KIAA1958: variants seen among roughly 807,000 people sequenced by gnomAD.
KIAA1958 encodes KIAA1958.
A neutral mutation model predicts 47.2 loss-of-function variants in KIAA1958; 14 were observed. The ratio of observed to expected loss-of-function variants is 0.30; its 90% CI spans 0.20 to 0.46. The LOEUF (loss-of-function observed/expected upper bound fraction) is 0.46, where lower values mean the gene tolerates loss of function less well. KIAA1958 is among the 20% of genes least tolerant of loss of function. The pLI is 1.00. For synonymous variants in KIAA1958, 354 were observed against 353.3 expected, an observed-to-expected ratio of 1.00 and a Z score of -0.02; for missense variants, 803 against 909.2, an observed-to-expected ratio of 0.88 and a Z score of 1.50.
In KIAA1958 at chr9:112,660,027, T is replaced by G. The variant is rs1251254216; in HGVS notation, c.2109T>G (p.Thr703=). The change falls in exon 4 of 4, where the codon ACT becomes ACG. Residue 703 remains threonine, a synonymous_variant. Transcript: ENST00000337530. ...NCENFTFVSF[T]QVSRRLGSHS... is the part of the protein sequence containing the mutation. The stretch of plus-strand genomic sequence containing the variant: ...AGAACTTCACCTTTGTCTCGTTCAC[T>G]CAGGTCTCCCGGAGGCTTGGCTCCC... 13 of 1,613,876 alleles carry G rather than the reference T, an allele frequency of 8.1e-6. No homozygotes were observed. The highest frequency in any genetic ancestry group is 1.0e-5 in the Non-Finnish European group (12 of 1,180,054).
At chr9:112,591,265 T>C (rs1296297196) in intron 2 of KIAA1958, among the ~76,000 whole-genome samples, 2 of 152,048 alleles carry the variant, frequency 1.3e-5, no homozygotes, top group Non-Finnish European at 2.9e-5. Flanking sequence ...TTTGTATTTT[T>C]AGTAGAGACG....
intron 2 of KIAA1958, among the ~76,000 whole-genome samples, chr9:112,615,419 C>CAAAA: frequency 9.7e-6 from 1 of 103,532 alleles, no homozygotes; most frequent in Admixed American, 1.0e-4. Context: ...GGCTCCGTCT[C>CAAAA]AAAAAAAAAA....
chr9:112,510,390 C>A (rs1834305000), intron 1 of KIAA1958, among the ~76,000 whole-genome samples: 1 of 152,198 alleles, frequency 6.6e-6, no homozygotes, highest in Non-Finnish European at 1.5e-5. Context: ...GAGCCCAATT[C>A]TTCCAGATAT....
chr9:112,487,502 CG>C (rs2132747335), intron 1 of KIAA1958, among the ~76,000 whole-genome samples: 1 of 152,150 alleles, frequency 6.6e-6, no homozygotes, highest in African/African-American at 2.4e-5. Flanking sequence ...GGAAGGAGGG[CG>C]GGAAGGAGGA....
At chr9:112,500,347 C>T (rs997066381) in intron 1 of KIAA1958, among the ~76,000 whole-genome samples, 5 of 152,204 alleles carry the variant, frequency 3.3e-5, no homozygotes, top group Admixed American at 6.5e-5. Flanking sequence ...GTGATCTGCC[C>T]GCCTTGGCCT....
chr9:112,537,172 C>A (rs1193996495), intron 1 of KIAA1958, among the ~76,000 whole-genome samples: 1 of 151,032 alleles, frequency 6.6e-6, no homozygotes. Context: ...GTGGTGCAAT[C>A]TTGGCTCCCT....
At chr9:112,487,401 C>T (rs1443814525) in intron 1 of KIAA1958, among the ~76,000 whole-genome samples, 3 of 151,792 alleles carry the variant, frequency 2.0e-5, no homozygotes, top group Admixed American at 6.6e-5. Context: ...CGGGCCGCCC[C>T]GCCGCCCGGC....
At chr9:112,528,333 G>A (rs1275684306) in intron 1 of KIAA1958, among the ~76,000 whole-genome samples, 1 of 152,026 alleles carries the variant, frequency 6.6e-6, no homozygotes, top group African/African-American at 2.4e-5. Flanking sequence ...AGTCATTTGG[G>A]GCCTATTTGC....
chr9:112,492,916 CTT>C (rs60299333), intron 1 of KIAA1958, among the ~76,000 whole-genome samples: 3 of 114,186 alleles, frequency 2.6e-5, no homozygotes, highest in East Asian at 5.0e-4. Context: ...GCCCAGCTCA[CTT>C]TTTTTTTTTT....
chr9:112,500,117 T>A (rs1834109508), intron 1 of KIAA1958, among the ~76,000 whole-genome samples: 1 of 152,116 alleles, frequency 6.6e-6, no homozygotes, highest in Non-Finnish European at 1.5e-5. Context: ...TATTATTATT[T>A]TTGAGACAGT....
chr9:112,519,993 G>A (rs3860166), intron 1 of KIAA1958, among the ~76,000 whole-genome samples: 145,433 of 152,292 alleles, frequency 0.95, 69,516 homozygotes, highest in African/African-American at 0.99. Context: ...GAGGGGCTTC[G>A]GTCCCCTTGG....
chr9:112,571,846 G>T (rs547503916), intron 1 of KIAA1958, among the ~76,000 whole-genome samples: 123 of 140,830 alleles, frequency 8.7e-4, no homozygotes, highest in Non-Finnish European at 1.4e-3. Context: ...AAAATAAAAA[G>T]AAATAAAATA....
intron 2 of KIAA1958, among the ~76,000 whole-genome samples, chr9:112,599,140 A>T (rs1017643622): frequency 6.6e-6 from 1 of 152,230 alleles, no homozygotes; most frequent in Non-Finnish European, 1.5e-5. Flanking sequence ...CAGTACTTCC[A>T]ATGGCTATCT....
intron 1 of KIAA1958, among the ~76,000 whole-genome samples, chr9:112,571,846 GAAATA>G (rs1439592024): frequency 4.8e-4 from 67 of 140,862 alleles, no homozygotes; most frequent in African/African-American, 1.3e-3. Flanking sequence ...AAAATAAAAA[GAAATA>G]AAATAAAAAA....
intron 2 of KIAA1958, among the ~76,000 whole-genome samples, chr9:112,611,063 C>A (rs550038897): frequency 1.3e-5 from 2 of 152,154 alleles, no homozygotes; most frequent in South Asian, 2.1e-4. Context: ...ATAGGAAATT[C>A]TTTAATAAGT....
intron 1 of KIAA1958, among the ~76,000 whole-genome samples, chr9:112,551,653 C>T (rs1835153955): frequency 1.3e-5 from 2 of 152,138 alleles, no homozygotes; most frequent in Non-Finnish European, 2.9e-5. Context: ...GAACATAATA[C>T]AGTATCCTTT....
rs539679128 is a variant in KIAA1958, at chr9:112,666,937, A to G, written c.*6868A>G. ...ATCTTAGAGCTAAAACAGGAGCAGA[A>G]AGCAGAGAAGGACTATTAGACCTAT... is the stretch of plus-strand genomic sequence containing the variant. On this transcript the variant is annotated 3_prime_UTR_variant, in exon 4 of 4. Coordinates refer to ENST00000337530, the MANE Select transcript of KIAA1958 (RefSeq NM_133465.4). 1.3e-5 allele frequency: 2 copies of G among 152,360 alleles called. No homozygotes were observed. Among genetic ancestry groups the G allele is most frequent in the East Asian group, 3.9e-4 (2 of 5,180 alleles). 9.4% of individuals were successfully genotyped at this position (152,360 alleles called of 1,614,324 possible).
chr9:112,578,409 A>G (rs1651893284), intron 2 of KIAA1958, among the ~76,000 whole-genome samples: 1 of 152,194 alleles, frequency 6.6e-6, no homozygotes. Flanking sequence ...TCTGAAAGCT[A>G]AGTCAGGTTC....
chr9:112,534,091 C>T (rs1380771801), intron 1 of KIAA1958, among the ~76,000 whole-genome samples: 2 of 152,212 alleles, frequency 1.3e-5, no homozygotes, highest in African/African-American at 4.8e-5. Context: ...AGTTACTTAA[C>T]CTCTTTGTGC....
Sources: allele counts gnomAD v4.1 joint callset (sites outside exome capture counted in the v4.1 genomes callset), GRCh38; gene constraint gnomAD v4.1.1; transcripts MANE v1.5; gene names NCBI Gene and HGNC (gene_info 2026-07-23, HGNC 2026-07-21).